The following TANGO6 variants were observed in gnomAD, a reference collection of about 807,000 sequenced individuals.
TANGO6 encodes transport and Golgi organization protein 6 homolog.
In TANGO6, 90 loss-of-function variants were observed where a neutral mutation model predicts 114.2. The ratio of observed to expected loss-of-function variants is 0.79; its 90% CI spans 0.66 to 0.94. TANGO6 has a LOEUF of 0.94. Ranked by LOEUF, TANGO6 falls within the 40% of genes least tolerant of loss-of-function variation. The pLI, the probability that TANGO6 is intolerant of heterozygous loss-of-function variation, is 0.00. For missense variants in TANGO6, 1,274 were observed against 1,315.3 expected (o/e 0.97, Z 0.49); for synonymous variants, 477 against 509.8 (o/e 0.94, Z 0.87).
At chr16:68,931,539 G>GTA (rs981967823) in intron 14 of TANGO6, among the ~76,000 whole-genome samples, 3 of 152,154 alleles carry the variant, frequency 2.0e-5, no homozygotes, top group Non-Finnish European at 2.9e-5. Context: ...ACTAAATGTG[G>GTA]TATATATATG....
At chr16:69,060,595 T>TAAAAAAAA (rs913094985) in intron 17 of TANGO6, among the ~76,000 whole-genome samples, 1 of 134,880 alleles carries the variant, frequency 7.4e-6, no homozygotes, top group Non-Finnish European at 1.6e-5. Context: ...CTCTGTCTCT[T>TAAAAAAAA]AAAAAAAAAA....
At chr16:68,953,798 G>T (rs1302158843) in intron 14 of TANGO6, among the ~76,000 whole-genome samples, 1 of 152,164 alleles carries the variant, frequency 6.6e-6, no homozygotes, top group Non-Finnish European at 1.5e-5. Context: ...GGAGGAGAAG[G>T]ACTTGAAATG....
intron 11 of TANGO6, among the ~76,000 whole-genome samples, chr16:68,910,240 C>T (rs1231742275): frequency 6.6e-6 from 1 of 152,194 alleles, no homozygotes; most frequent in African/African-American, 2.4e-5. Context: ...TTCACTATAG[C>T]TCCTGCTGAG....
chr16:69,048,942 G>A (rs889263230), intron 17 of TANGO6, among the ~76,000 whole-genome samples: 1 of 152,114 alleles, frequency 6.6e-6, no homozygotes, highest in African/African-American at 2.4e-5. Context: ...TCAAAGCCAG[G>A]CCCAGGCAGA....
At position 68,852,405 on chromosome 16, in the gene TANGO6, C is replaced by A. The variant is rs1961916720; in HGVS notation, c.95-7479C>A. 2.0e-5 allele frequency among the ~76,000 whole-genome samples: 3 copies of A among 151,438 alleles called. No homozygotes were observed. The South Asian group carries it at 6.3e-4, about 32-fold the overall frequency. On this transcript the variant is annotated intron_variant, in intron 1 of 17. Transcript: ENST00000261778. ...TTGATTCCTTCTAATTTGTTTCTTA[C>A]AAGGTATATTAGCTTTAGTTTTGAG...
At chr16:69,047,206 T>C (rs944514831) in intron 17 of TANGO6, among the ~76,000 whole-genome samples, 1 of 150,620 alleles carries the variant, frequency 6.6e-6, no homozygotes, top group African/African-American at 2.4e-5. Context: ...AAGAGTGATT[T>C]TAGGCTGGGC....
intron 17 of TANGO6, among the ~76,000 whole-genome samples, chr16:69,077,896 G>C (rs1390763122): frequency 6.6e-6 from 1 of 152,106 alleles, no homozygotes; most frequent in African/African-American, 2.4e-5. Flanking sequence ...ATCTAGAGAG[G>C]AAAACCTTTT....
intron 17 of TANGO6, among the ~76,000 whole-genome samples, chr16:69,078,353 CTCT>C (rs1358511035): frequency 1.3e-5 from 2 of 152,182 alleles, no homozygotes; most frequent in South Asian, 2.1e-4. Flanking sequence ...GGCTCTTGCT[CTCT>C]TCTTATAGCA....
At position 69,015,976 on chromosome 16, in the gene TANGO6, C is replaced by T. The variant is rs772470441; in HGVS notation, c.2843-6852C>T. 1.8e-4 allele frequency among the ~76,000 whole-genome samples: 28 copies of T among 152,164 alleles called. 1 individual carries two copies. Among genetic ancestry groups the T allele is most frequent in the Non-Finnish European group, 8.8e-5 (6 of 68,026 alleles). On this transcript the variant is annotated intron_variant, in intron 15 of 17. Coordinates refer to ENST00000261778, the MANE Select transcript of TANGO6 (RefSeq NM_024562.2). ...CCCACTCTCTTCTTCACTTTTCCACCAGGCCCTCACATGCCTTGTTCCTTG... is the reference window on the plus strand; with the variant it reads ...CCCACTCTCTTCTTCACTTTTCCACTAGGCCCTCACATGCCTTGTTCCTTG...
In TANGO6 at chr16:68,927,699, C is replaced by T. The variant is rs767130637; in HGVS notation, c.2259C>T (p.Ala753=). ...DLRITISTHG[A]FATEAVSMAA... ...GCATCACCATCTCTACCCATGGAGC[C>T]TTTGCCACTGAGGCCGTCAGCATGG... Residue 753 remains alanine (A), a synonymous_variant, in exon 13 of 18, where the codon GCC becomes GCT. Coordinates refer to ENST00000261778, the MANE Select transcript of TANGO6 (RefSeq NM_024562.2). 4 of 1,614,004 alleles carry T rather than the reference C, an allele frequency of 2.5e-6. No homozygotes were observed. The South Asian group carries it at 4.4e-5, about 18-fold the overall frequency.
chr16:68,900,307 C>A, intron 7 of TANGO6, 127 bp from the exon 8 acceptor site: 1 of 718,838 alleles, frequency 1.4e-6, no homozygotes, highest in Non-Finnish European at 2.4e-6. Context: ...ATCTTTGGAG[C>A]TAAAATGGTG....
At chr16:68,998,400 A>G (rs1296769694) in intron 15 of TANGO6, among the ~76,000 whole-genome samples, 1 of 152,162 alleles carries the variant, frequency 6.6e-6, no homozygotes, top group East Asian at 1.9e-4. Flanking sequence ...TTCTCTCTCC[A>G]GTCTCCATTT....
chr16:69,074,403 G>T (rs1960341396), intron 17 of TANGO6, among the ~76,000 whole-genome samples: 1 of 152,022 alleles, frequency 6.6e-6, no homozygotes, highest in Admixed American at 6.6e-5. Flanking sequence ...TTTATTAAGA[G>T]AGTAAAGTAG....
At chr16:68,897,418 A>G (rs1962720125) in intron 7 of TANGO6, among the ~76,000 whole-genome samples, 2 of 152,236 alleles carry the variant, frequency 1.3e-5, no homozygotes, top group Admixed American at 6.5e-5. Flanking sequence ...GTGCTAGCAC[A>G]AAAGTGGCAC....
chr16:68,977,486 C>T (rs369081932), intron 15 of TANGO6, among the ~76,000 whole-genome samples: 30 of 150,666 alleles, frequency 2.0e-4, no homozygotes, highest in East Asian at 6.0e-4. Context: ...GAGACCGAGA[C>T]GACGATCAAG....
At chr16:68,980,409 C>CTATATATA (rs1231646458) in intron 15 of TANGO6, among the ~76,000 whole-genome samples, 4 of 68,012 alleles carry the variant, frequency 5.9e-5, no homozygotes, top group African/African-American at 6.6e-5. Context: ...CTCTCTCTCT[C>CTATATATA]TATATATATA....
chr16:69,024,032 C>T (rs1959458154), intron 16 of TANGO6, among the ~76,000 whole-genome samples: 1 of 151,512 alleles, frequency 6.6e-6, no homozygotes, highest in Non-Finnish European at 1.5e-5. Flanking sequence ...CTCAGCCTCC[C>T]ATGTAGCTGG....
chr16:68,891,024 C>CAA (rs1239776133), intron 7 of TANGO6, among the ~76,000 whole-genome samples: 9 of 119,704 alleles, frequency 7.5e-5, no homozygotes, highest in African/African-American at 2.9e-4. Flanking sequence ...GACTCCATCT[C>CAA]AAAAAAAAAA....
At chr16:68,949,810 T>C (rs1229537085) in intron 14 of TANGO6, among the ~76,000 whole-genome samples, 3 of 151,734 alleles carry the variant, frequency 2.0e-5, no homozygotes, top group Admixed American at 6.6e-5. Flanking sequence ...AATGAAAACA[T>C]ATGTCCACAC....
Sources: gnomAD v4.1 joint callset for allele counts (sites outside exome capture counted in the v4.1 genomes callset) on GRCh38, gnomAD v4.1.1 for gene constraint, MANE v1.5 for transcripts, NCBI Gene and HGNC (gene_info 2026-07-23, HGNC 2026-07-21) for gene names.